MTUS2: variants seen among roughly 807,000 people sequenced by gnomAD.
MTUS2 encodes the protein microtubule-associated tumor suppressor candidate 2.
In MTUS2, 40 loss-of-function variants were observed where a neutral mutation model predicts 114.1. The ratio of observed to expected loss-of-function variants is 0.35; its 90% CI spans 0.27 to 0.46. The LOEUF is 0.46. Among genes scored for constraint, MTUS2 ranks in the 20% least tolerant of loss-of-function variants. MTUS2 has a pLI of 1.00. For missense variants in MTUS2, 1,679 were observed against 1,705.4 expected, an observed-to-expected ratio of 0.98 and a Z score of 0.27; for synonymous variants, 688 against 672.0, an observed-to-expected ratio of 1.02 and a Z score of -0.37.
At chr13:28,889,548 A>T (rs1195993830) in intron 2 of MTUS2, among the ~76,000 whole-genome samples, 1 of 152,136 alleles carries the variant, frequency 6.6e-6, no homozygotes, top group African/African-American at 2.4e-5. Context: ...TTTTTCAAGG[A>T]TTCCACGTGT....
intron 8 of MTUS2, among the ~76,000 whole-genome samples, chr13:29,383,239 TG>T (rs1175189162): frequency 4.9e-5 from 6 of 122,904 alleles, no homozygotes; most frequent in African/African-American, 1.2e-4. Flanking sequence ...TGTGTGTGTG[TG>T]TGTGTGTGTG....
chr13:29,411,105 A>G (rs181622922), intron 8 of MTUS2, among the ~76,000 whole-genome samples: 5 of 152,166 alleles, frequency 3.3e-5, no homozygotes, highest in South Asian at 2.1e-4. Flanking sequence ...GTGCTGGCTC[A>G]TGCTCACAGG....
intron 8 of MTUS2, among the ~76,000 whole-genome samples, chr13:29,384,484 A>G (rs1203970691): frequency 1.3e-5 from 2 of 152,210 alleles, no homozygotes; most frequent in Non-Finnish European, 2.9e-5. Context: ...GGAAACCCAA[A>G]CAGGCCATGA....
intron 5 of MTUS2, among the ~76,000 whole-genome samples, chr13:29,177,296 T>TA (rs1893813613): frequency 6.6e-6 from 1 of 150,792 alleles, no homozygotes. Context: ...TGAGACTAGA[T>TA]AAAATCACAA....
intron 2 of MTUS2, among the ~76,000 whole-genome samples, chr13:28,926,517 G>C (rs531958425): frequency 6.6e-6 from 1 of 152,248 alleles, no homozygotes; most frequent in South Asian, 2.1e-4. Context: ...AAGACAACTT[G>C]TACTTAATTT....
At chr13:29,341,723 A>G (rs1273173381) in intron 7 of MTUS2, among the ~76,000 whole-genome samples, 1 of 152,146 alleles carries the variant, frequency 6.6e-6, no homozygotes, top group Non-Finnish European at 1.5e-5. Context: ...TGCCAAAGCC[A>G]GTGTCTACAA....
intron 8 of MTUS2, among the ~76,000 whole-genome samples, chr13:29,421,883 G>C (rs550170441): frequency 1.9e-4 from 29 of 152,238 alleles, no homozygotes; most frequent in Non-Finnish European, 3.5e-4. Flanking sequence ...GGGCAGGGGA[G>C]GGAAAGGAAT....
chr13:28,848,880 G>A (rs887167584), intron 2 of MTUS2, among the ~76,000 whole-genome samples: 1 of 152,148 alleles, frequency 6.6e-6, no homozygotes, highest in African/African-American at 2.4e-5. Flanking sequence ...TAAAGGCCAA[G>A]GATGCTGCTC....
chr13:29,291,256 TCTC>T (rs963884029), intron 6 of MTUS2, among the ~76,000 whole-genome samples: 9 of 152,058 alleles, frequency 5.9e-5, no homozygotes. Flanking sequence ...AACCCTGTGG[TCTC>T]CTCCTCCAGG....
At chr13:29,068,464 C>CTG (rs1888762408) in intron 4 of MTUS2, among the ~76,000 whole-genome samples, 1 of 126,902 alleles carries the variant, frequency 7.9e-6, no homozygotes, top group Non-Finnish European at 1.7e-5. Context: ...TGGAGAAACA[C>CTG]TATCTTTAAT....
At chr13:29,418,166 C>T (rs1175562759) in intron 8 of MTUS2, among the ~76,000 whole-genome samples, 1 of 152,150 alleles carries the variant, frequency 6.6e-6, no homozygotes, top group African/African-American at 2.4e-5. Context: ...GCCCAATAGT[C>T]CTTGAAAAAT....
intron 6 of MTUS2, chr13:29,307,672 G>A: frequency 8.9e-7 from 1 of 1,129,746 alleles, no homozygotes; most frequent in South Asian, 1.2e-5. Flanking sequence ...CGACGCTGGG[G>A]CTAGCATTGC....
At chr13:29,189,280 C>G (rs1241468861) in intron 5 of MTUS2, among the ~76,000 whole-genome samples, 1 of 152,210 alleles carries the variant, frequency 6.6e-6, no homozygotes, top group Non-Finnish European at 1.5e-5. Context: ...TAGAAAGTAT[C>G]TTCAGGGGAT....
chr13:29,453,779 C>A (rs1201191399), intron 9 of MTUS2, among the ~76,000 whole-genome samples: 1 of 152,094 alleles, frequency 6.6e-6, no homozygotes, highest in African/African-American at 2.4e-5. Flanking sequence ...AGGAGTAGAG[C>A]AAATGAGTTC....
At chr13:29,246,777 A>C (rs960901610) in intron 5 of MTUS2, among the ~76,000 whole-genome samples, 2 of 152,188 alleles carry the variant, frequency 1.3e-5, no homozygotes, top group African/African-American at 4.8e-5. Context: ...AAATGGAAAC[A>C]CATCCCATGT....
At chr13:29,007,444 A>AG (rs537199686) in intron 2 of MTUS2, among the ~76,000 whole-genome samples, 211 of 152,352 alleles carry the variant, frequency 1.4e-3, no homozygotes, top group African/African-American at 5.0e-3. Flanking sequence ...TCTTTACAGC[A>AG]GGGGAGAATT....
At chr13:29,163,387 G>C (rs914241293) in intron 5 of MTUS2, among the ~76,000 whole-genome samples, 11 of 152,150 alleles carry the variant, frequency 7.2e-5, no homozygotes, top group African/African-American at 2.4e-4. Flanking sequence ...ATTATATATA[G>C]TCATGTTTTT....
chr13:29,482,399 A>G (rs902941871), intron 10 of MTUS2: 1 of 152,252 alleles, frequency 6.6e-6, no homozygotes, highest in African/African-American at 2.4e-5. Flanking sequence ...AAAGGAAAGA[A>G]GCCCTTGACT....
chr13:29,080,428 G>A (rs1889389813), intron 4 of MTUS2, among the ~76,000 whole-genome samples: 1 of 152,118 alleles, frequency 6.6e-6, no homozygotes, highest in Non-Finnish European at 1.5e-5. Flanking sequence ...TATATAAAGG[G>A]GAGTTTATTA....
Sources: gnomAD v4.1 joint callset for allele counts (sites outside exome capture counted in the v4.1 genomes callset) on GRCh38, gnomAD v4.1.1 for gene constraint, MANE v1.5 for transcripts, NCBI Gene and HGNC (gene_info 2026-07-23, HGNC 2026-07-21) for gene names.